PBX3: variants seen among roughly 807,000 people sequenced by gnomAD.
The protein encoded by PBX3 is pre-B-cell leukemia transcription factor 3.
In PBX3, 14 loss-of-function variants were observed where a neutral mutation model predicts 48.5. The ratio of observed to expected loss-of-function variants is 0.29; its 90% CI spans 0.19 to 0.45. PBX3 has a LOEUF of 0.45. PBX3 is among the 20% of genes least tolerant of loss of function. PBX3 has a pLI of 1.00. For missense variants in PBX3, 386 were observed against 546.7 expected (o/e 0.71, Z 2.93); for synonymous variants, 210 against 200.3 (o/e 1.05, Z -0.41).
intron 2 of PBX3, among the ~76,000 whole-genome samples, chr9:125,896,766 T>C (rs966881716): frequency 6.6e-6 from 1 of 152,006 alleles, no homozygotes; most frequent in Non-Finnish European, 1.5e-5. Flanking sequence ...ATTGCTGTTG[T>C]GTCAGCAGAG....
intron 2 of PBX3, among the ~76,000 whole-genome samples, chr9:125,824,810 T>C: frequency 6.6e-6 from 1 of 152,136 alleles, no homozygotes; most frequent in East Asian, 1.9e-4. Flanking sequence ...GCCGCAGCTG[T>C]TGTTATGTAA....
At chr9:125,776,632 C>T (rs79603260) in intron 2 of PBX3, among the ~76,000 whole-genome samples, 4,075 of 152,166 alleles carry the variant, frequency 0.027, 211 homozygotes, top group African/African-American at 0.092. Flanking sequence ...GCCCCCCGGG[C>T]TCAAGTGGTT....
intron 5 of PBX3, among the ~76,000 whole-genome samples, chr9:125,942,928 T>C (rs2132550437): frequency 6.6e-6 from 1 of 152,312 alleles, no homozygotes; most frequent in South Asian, 2.1e-4. Flanking sequence ...TTGTTGCTGT[T>C]GTTCTCTACA....
At chr9:125,826,206 T>C (rs1838802309) in intron 2 of PBX3, among the ~76,000 whole-genome samples, 1 of 152,184 alleles carries the variant, frequency 6.6e-6, no homozygotes. Context: ...TTTACCTGTT[T>C]TAACATTTTT....
At chr9:125,965,805 C>T (rs1334984661) in intron 8 of PBX3, 26 bp from the exon 9 acceptor site, 17 of 1,557,298 alleles carry the variant, frequency 1.1e-5, no homozygotes, top group Middle Eastern at 1.7e-4. Flanking sequence ...AGACGTGCAC[C>T]CGTTGAACTG....
intron 5 of PBX3, among the ~76,000 whole-genome samples, chr9:125,943,171 A>G (rs1394807721): frequency 6.6e-6 from 1 of 151,618 alleles, no homozygotes; most frequent in African/African-American, 2.4e-5. Context: ...GTTCAAGACC[A>G]CCTGGGCAAC....
At chr9:125,889,877 G>A (rs1840597068) in intron 2 of PBX3, among the ~76,000 whole-genome samples, 1 of 148,164 alleles carries the variant, frequency 6.7e-6, no homozygotes, top group South Asian at 2.1e-4. Flanking sequence ...ACGCCCGCCC[G>A]CGCTCGCGCT....
chr9:125,935,743 C>T (rs775083769), intron 5 of PBX3, 136 bp downstream of exon 5: 4 of 946,902 alleles, frequency 4.2e-6, no homozygotes, highest in Non-Finnish European at 6.1e-6. Context: ...TAGATATTTC[C>T]ACAGTTTTAG....
chr9:125,966,903 C>G lies in PBX3; in HGVS notation c.*980C>G, dbSNP rs1214401209. 1.3e-5 allele frequency: 2 copies of G among 152,556 alleles called. No homozygotes were observed. The highest frequency in any genetic ancestry group is 2.9e-5 in the Non-Finnish European group (2 of 68,020). The allele number at this position is 152,556 out of a possible 1,614,324, so 9.5% of individuals were successfully genotyped here. A position where few individuals can be genotyped will look rare whatever the true frequency, so the allele number is the denominator to read the frequency against. On this transcript the variant is annotated 3_prime_UTR_variant, in exon 9 of 9. Coordinates refer to ENST00000373489, the MANE Select transcript of PBX3 (RefSeq NM_006195.6). ...ATCTTTTTGCATCTTGTAATTAACTCTTTGTTTCCCTTCATAAAATGTAAT... is the reference window on the plus strand; with the variant it reads ...ATCTTTTTGCATCTTGTAATTAACTGTTTGTTTCCCTTCATAAAATGTAAT...
intron 2 of PBX3, among the ~76,000 whole-genome samples, chr9:125,895,895 T>C (rs932810116): frequency 6.6e-6 from 1 of 152,082 alleles, no homozygotes; most frequent in Non-Finnish European, 1.5e-5. Context: ...CTTGATATTA[T>C]GCAGTTAAAG....
Position 125,798,547 on chromosome 9 carries a change from GT to G in PBX3, c.274+49929del, listed in dbSNP as rs538833192. Among the ~76,000 whole-genome samples the G allele has an allele frequency of 1.9e-4, 29 of 152,096 alleles. No individual in the cohort carries two copies. In the East Asian group the frequency reaches 5.4e-3, roughly 28 times the overall value. On this transcript the variant is annotated intron_variant, in intron 2 of 8. Coordinates refer to ENST00000373489, the MANE Select transcript of PBX3 (RefSeq NM_006195.6). ...AATAGTATGGTGATTGTTTACATTTGTTTTTCAACAAATGATTACTGAATAA... is the reference window on the plus strand; with the variant it reads ...AATAGTATGGTGATTGTTTACATTTGTTTTCAACAAATGATTACTGAATAA...
At chr9:125,928,878 G>C (rs1588306416) in intron 3 of PBX3, among the ~76,000 whole-genome samples, 1 of 152,138 alleles carries the variant, frequency 6.6e-6, no homozygotes, top group Non-Finnish European at 1.5e-5. Context: ...CTAAAGGCCT[G>C]CACTACAGCT....
rs569122358 is a variant in PBX3, at chr9:125,849,787, T to C, written c.275-65899T>C. Among the ~76,000 whole-genome samples, 12 of 152,106 alleles carry C rather than the reference T, an allele frequency of 7.9e-5. No homozygotes were observed. The East Asian group carries it at 2.1e-3, about 27-fold the overall frequency. On this transcript the variant is annotated intron_variant, in intron 2 of 8. Transcript: ENST00000373489. ...ATAGAAGTTATTTCAATCATCAGAT[T>C]ATTAATTTGTGTTTTCAGTGCTTTA...
chr9:125,852,422 A>G (rs1399375867), intron 2 of PBX3, among the ~76,000 whole-genome samples: 2 of 152,108 alleles, frequency 1.3e-5, no homozygotes, highest in Non-Finnish European at 2.9e-5. Flanking sequence ...TCAAGCCGTT[A>G]ATGTGGGAGG....
intron 2 of PBX3, among the ~76,000 whole-genome samples, chr9:125,858,326 G>T (rs932556745): frequency 6.6e-6 from 1 of 152,092 alleles, no homozygotes; most frequent in Non-Finnish European, 1.5e-5. Flanking sequence ...TATACCTCTC[G>T]TTTGTATATT....
In PBX3 at chr9:125,801,790, TAC is replaced by T. The variant is rs367989628; in HGVS notation, c.274+53201_274+53202del. Among the ~76,000 whole-genome samples, 1,459 of 146,202 alleles carry T rather than the reference TAC, an allele frequency of 1.0e-2. 13 individuals are homozygous for T. Among genetic ancestry groups the T allele is most frequent in the Middle Eastern group, 0.014 (4 of 292 alleles). ...ATGTTTATATGAACATGTATACACA[TAC>T]ACACACACACACACACACACACACA... On this transcript the variant is annotated intron_variant, in intron 2 of 8. Coordinates refer to ENST00000373489, the MANE Select transcript of PBX3 (RefSeq NM_006195.6).
intron 2 of PBX3, among the ~76,000 whole-genome samples, chr9:125,784,244 T>G (rs1423978467): frequency 6.6e-6 from 1 of 152,182 alleles, no homozygotes; most frequent in Admixed American, 6.5e-5. Flanking sequence ...TTCTTGTGCT[T>G]CAGCCTCCCG....
At chr9:125,935,415 C>G (rs1465106978) in intron 4 of PBX3, 57 bp from the exon 5 acceptor site, 6 of 1,499,790 alleles carry the variant, frequency 4.0e-6, no homozygotes, top group Non-Finnish European at 5.5e-6. Flanking sequence ...ATTAACCCAT[C>G]CCTCTTAGGT....
chr9:125,921,016 A>G (rs10987033), intron 3 of PBX3, among the ~76,000 whole-genome samples: 3,087 of 152,340 alleles, frequency 0.02, 177 homozygotes, highest in East Asian at 0.17. Flanking sequence ...TTTTCACATT[A>G]GAGATTGTGC....
Sources: gnomAD v4.1 joint callset for allele counts (sites outside exome capture counted in the v4.1 genomes callset) on GRCh38, gnomAD v4.1.1 for gene constraint, MANE v1.5 for transcripts, NCBI Gene and HGNC (gene_info 2026-07-23, HGNC 2026-07-21) for gene names.